USH2A: variants seen among roughly 807,000 people sequenced by gnomAD.
The protein encoded by USH2A is Usher syndrome 2A (autosomal recessive, mild).
Under a neutral mutation model 538.9 loss-of-function variants are expected in USH2A, and 443 were observed. That is an observed-to-expected ratio of 0.82 (90% confidence interval 0.76 to 0.89). The LOEUF (loss-of-function observed/expected upper bound fraction) is 0.89. Ranked by LOEUF, USH2A falls within the 40% of genes least tolerant of loss-of-function variation. The pLI is 0.00. For synonymous variants in USH2A, 2,413 were observed against 2,273.5 expected, an observed-to-expected ratio of 1.06 and a Z score of -1.75; for missense variants, 6,633 against 6,324.8, an observed-to-expected ratio of 1.05 and a Z score of -1.65.
intron 38 of USH2A, among the ~76,000 whole-genome samples, chr1:215,929,848 T>A (rs1396642287): frequency 6.6e-6 from 1 of 152,046 alleles, no homozygotes; most frequent in Non-Finnish European, 1.5e-5. Context: ...TCTATGCTTT[T>A]GCGATGTGCC....
At chr1:215,975,625 A>G (rs961200804) in intron 35 of USH2A, among the ~76,000 whole-genome samples, 1 of 152,188 alleles carries the variant, frequency 6.6e-6, no homozygotes, top group Non-Finnish European at 1.5e-5. Context: ...AGATAGCTGT[A>G]GGTGCACAGC....
rs893462508 is a variant in USH2A, at chr1:216,285,044, A to G, written c.1971+4236T>C. Among the ~76,000 whole-genome samples the G allele has an allele frequency of 3.9e-5, 6 of 152,358 alleles. No homozygotes were observed. In the East Asian group the frequency reaches 9.6e-4, roughly 25 times the overall value. ...AAAAGTTTGAAAAATTTGCAGGCTG[A>G]CAATGCAGTAGAAAAGCAAAACACA... On this transcript the variant is annotated intron_variant, in intron 11 of 71. Coordinates refer to ENST00000307340, the MANE Select transcript of USH2A (RefSeq NM_206933.4).
intron 30 of USH2A, 150 bp downstream of exon 30, chr1:216,069,951 C>T: frequency 1.1e-6 from 1 of 895,900 alleles, no homozygotes; most frequent in Non-Finnish European, 1.7e-6. Context: ...ATGCAGGCTT[C>T]CACTACTTTA....
intron 9 of USH2A, 124 bp from the exon 10 acceptor site, chr1:216,292,494 T>A: frequency 9.4e-7 from 1 of 1,062,544 alleles, no homozygotes. Flanking sequence ...CAGCAATGAT[T>A]TTATTTGAAA....
intron 4 of USH2A, among the ~76,000 whole-genome samples, chr1:216,335,969 A>C (rs569578035): frequency 4.6e-5 from 7 of 151,738 alleles, no homozygotes; most frequent in Admixed American, 4.6e-4. Flanking sequence ...AAGACATCAA[A>C]AGAAAACTAT....
intron 46 of USH2A, among the ~76,000 whole-genome samples, chr1:215,840,163 CAAAAAAAAAAAAAAAAAAAA>C (rs60766928): frequency 3.4e-5 from 1 of 29,516 alleles, no homozygotes; most frequent in African/African-American, 1.1e-4. Context: ...GACTCTGTCT[CAAAAAAAAAAAAAAAAAAAA>C]AAAAAAAAAA....
intron 44 of USH2A, among the ~76,000 whole-genome samples, chr1:215,855,499 G>T (rs1664139554): frequency 6.6e-6 from 1 of 152,108 alleles, no homozygotes; most frequent in African/African-American, 2.4e-5. Context: ...AGAAACCATA[G>T]ATGACACAAA....
intron 30 of USH2A, among the ~76,000 whole-genome samples, chr1:216,051,038 C>T (rs575089314): frequency 1.3e-5 from 2 of 152,200 alleles, no homozygotes; most frequent in Admixed American, 6.5e-5. Context: ...CCTAAACTAC[C>T]GAGAACTCCT....
intron 22 of USH2A, among the ~76,000 whole-genome samples, chr1:216,092,266 A>AT (rs1413048549): frequency 6.6e-6 from 1 of 152,160 alleles, no homozygotes; most frequent in Admixed American, 6.5e-5. Flanking sequence ...TGGGCAAAAG[A>AT]TTCATAGACT....
intron 70 of USH2A, among the ~76,000 whole-genome samples, chr1:215,630,424 ATGTG>A (rs373848356): frequency 1.4e-5 from 2 of 147,852 alleles, no homozygotes; most frequent in African/African-American, 2.5e-5. Flanking sequence ...GTGTATATAT[ATGTG>A]TGTGTGTATA....
chr1:216,277,416 C>T (rs996284199), intron 11 of USH2A, among the ~76,000 whole-genome samples: 1 of 152,068 alleles, frequency 6.6e-6, no homozygotes, highest in African/African-American at 2.4e-5. Flanking sequence ...GTGCATCTAC[C>T]AATATTACAG....
intron 27 of USH2A, among the ~76,000 whole-genome samples, chr1:216,076,273 C>T (rs1249927061): frequency 1.3e-5 from 2 of 152,162 alleles, no homozygotes; most frequent in Admixed American, 1.3e-4. Context: ...TTTGAGACCA[C>T]TGATATGGAT....
At chr1:216,271,846 A>C (rs569575467) in intron 11 of USH2A, among the ~76,000 whole-genome samples, 168 of 152,240 alleles carry the variant, frequency 1.1e-3, no homozygotes, top group African/African-American at 3.9e-3. Context: ...CTAACTTTGC[A>C]TTCCTGGGAG....
At chr1:215,735,286 T>C (rs1314717523) in intron 60 of USH2A, among the ~76,000 whole-genome samples, 1 of 152,222 alleles carries the variant, frequency 6.6e-6, no homozygotes, top group Admixed American at 6.5e-5. Flanking sequence ...GCTAGCTGTT[T>C]CCTGTAGTTG....
At chr1:215,813,275 G>C (rs1408483073) in intron 49 of USH2A, among the ~76,000 whole-genome samples, 1 of 152,154 alleles carries the variant, frequency 6.6e-6, no homozygotes, top group African/African-American at 2.4e-5. Context: ...CTTATGATGA[G>C]AGAATATTGC....
chr1:216,364,834 T>C (rs998212357), intron 4 of USH2A, 119 bp downstream of exon 4: 18 of 1,330,888 alleles, frequency 1.4e-5, no homozygotes, highest in Non-Finnish European at 1.8e-5. Flanking sequence ...GGTGGTAATT[T>C]GTTCAGTAGC....
At chr1:216,051,247 A>C (rs1483392447) in intron 30 of USH2A, among the ~76,000 whole-genome samples, 1 of 152,170 alleles carries the variant, frequency 6.6e-6, no homozygotes, top group Non-Finnish European at 1.5e-5. Context: ...TTCTATCTGC[A>C]GGCCATGTAA....
intron 68 of USH2A, 43 bp downstream of exon 68, chr1:215,640,515 A>C: frequency 6.2e-7 from 1 of 1,611,858 alleles, no homozygotes; most frequent in Non-Finnish European, 8.5e-7. Context: ...AAGCTGGGGA[A>C]CAGAGCGCCT....
chr1:216,165,983 C>G (rs2034160105), intron 21 of USH2A, among the ~76,000 whole-genome samples: 1 of 151,912 alleles, frequency 6.6e-6, no homozygotes, highest in Non-Finnish European at 1.5e-5. Flanking sequence ...CCCCTGAGTC[C>G]CCAAAGTCCA....
Sources: allele counts gnomAD v4.1 joint callset (sites outside exome capture counted in the v4.1 genomes callset), GRCh38; gene constraint gnomAD v4.1.1; transcripts MANE v1.5; gene names NCBI Gene and HGNC (gene_info 2026-07-23, HGNC 2026-07-21).